Variants in FRYL observed in about 807,000 individuals in gnomAD.
The protein encoded by FRYL is protein furry homolog-like.
Under a neutral mutation model 351.2 loss-of-function variants are expected in FRYL, and 150 were observed. The ratio of observed to expected loss-of-function variants is 0.43; its 90% confidence interval spans 0.37 to 0.49. The LOEUF (loss-of-function observed/expected upper bound fraction) is 0.49, where lower values mean the gene tolerates loss of function less well. Among genes scored for constraint, FRYL ranks in the 20% least tolerant of loss-of-function variants. The pLI, the probability that FRYL is intolerant of heterozygous loss-of-function variation, is 0.00. For missense variants in FRYL, 3,036 were observed against 3,619.3 expected (o/e 0.84, Z 4.13); for synonymous variants, 1,153 against 1,257.1 (o/e 0.92, Z 1.75).
chr4:48,535,806 G>T lies in FRYL; in HGVS notation c.6415C>A (p.Pro2139Thr). The T allele has an allele frequency of 6.5e-7, 1 of 1,540,442 alleles. No homozygotes were observed. The highest frequency in any genetic ancestry group is 1.3e-5 in the South Asian group (1 of 77,518). The change falls in exon 48 of 64, where the codon CCA becomes ACA. Residue 2139 changes from proline (P) to threonine (T), a missense_variant. Physicochemically the swap from Pro to Thr is conservative, Grantham distance 38. Around this residue, in one of 7 missense-constraint regions of FRYL, gnomAD observed 1,987 missense variants for 2,311.7 expected, o/e 0.86. Coordinates refer to ENST00000358350, the MANE Select transcript of FRYL (RefSeq NM_015030.2). Reference protein sequence around the residue: ...IAKVCAEEKCPTLVNLAHMMS... With the variant: ...IAKVCAEEKCTTLVNLAHMMS... ...ATGTGTGCCAGATTGACAAGTGTTG[G>T]GCATTTTTCTTCTGCACAAACCTAG...
intron 3 of FRYL, among the ~76,000 whole-genome samples, chr4:48,671,874 A>AAAAAC (rs1762798523): frequency 4.3e-5 from 1 of 23,008 alleles, no homozygotes; most frequent in Non-Finnish European, 8.4e-5. Context: ...AAAAAAAAAC[A>AAAAAC]AAAAAAAAAA....
chr4:48,566,088 G>C (rs1314249651), intron 28 of FRYL, among the ~76,000 whole-genome samples: 2 of 152,240 alleles, frequency 1.3e-5, no homozygotes, highest in South Asian at 2.1e-4. Flanking sequence ...TAAGGGCTTT[G>C]GACGAGATAC....
At chr4:48,649,829 G>A (rs1757266039) in intron 3 of FRYL, among the ~76,000 whole-genome samples, 1 of 152,096 alleles carries the variant, frequency 6.6e-6, no homozygotes, top group African/African-American at 2.4e-5. Context: ...GGCCTCTAGC[G>A]ACTAATATAA....
chr4:48,641,745 C>T (rs754905929), intron 3 of FRYL, among the ~76,000 whole-genome samples: 2 of 152,152 alleles, frequency 1.3e-5, no homozygotes, highest in African/African-American at 4.8e-5. Context: ...TTACCAAATG[C>T]GGATGGATCC....
intron 1 of FRYL, among the ~76,000 whole-genome samples, chr4:48,746,389 C>CA (rs1402278040): frequency 1.3e-5 from 2 of 151,582 alleles, no homozygotes; most frequent in African/African-American, 4.8e-5. Context: ...ACTAAAAATA[C>CA]AAAAAATTAG....
chr4:48,737,245 G>A (rs569789504), intron 1 of FRYL, among the ~76,000 whole-genome samples: 9 of 132,424 alleles, frequency 6.8e-5, no homozygotes, highest in African/African-American at 1.4e-4. Context: ...GCCACAGAGC[G>A]AGACTCCATC....
intron 28 of FRYL, among the ~76,000 whole-genome samples, chr4:48,565,938 T>G (rs761523236): frequency 4.6e-5 from 7 of 152,146 alleles, no homozygotes; most frequent in Non-Finnish European, 7.4e-5. Flanking sequence ...AGAAATTCCA[T>G]GGCAGGCTCA....
intron 59 of FRYL, among the ~76,000 whole-genome samples, chr4:48,507,570 C>T (rs1241223178): frequency 2.0e-5 from 3 of 151,828 alleles, no homozygotes; most frequent in Non-Finnish European, 4.4e-5. Context: ...CGGAGTGAGC[C>T]CAATACCCGC....
intron 18 of FRYL, among the ~76,000 whole-genome samples, chr4:48,587,150 T>G (rs965704285): frequency 2.6e-5 from 4 of 152,042 alleles, no homozygotes; most frequent in African/African-American, 9.7e-5. Flanking sequence ...GCCACATTGT[T>G]TTCACTTAGT....
At chr4:48,770,990 G>A (rs1011675267) in intron 1 of FRYL, among the ~76,000 whole-genome samples, 1 of 151,986 alleles carries the variant, frequency 6.6e-6, no homozygotes, top group Non-Finnish European at 1.5e-5. Context: ...TTTTTTGTTT[G>A]TTTTTTGTTA....
At chr4:48,689,375 T>C (rs1450150335) in intron 2 of FRYL, among the ~76,000 whole-genome samples, 5 of 152,210 alleles carry the variant, frequency 3.3e-5, no homozygotes, top group African/African-American at 1.2e-4. Context: ...TCATACTACA[T>C]TTTCATGTTG....
chr4:48,733,252 G>T (rs1319938137), intron 1 of FRYL, among the ~76,000 whole-genome samples: 1 of 151,420 alleles, frequency 6.6e-6, no homozygotes, highest in Non-Finnish European at 1.5e-5. Flanking sequence ...TCTAGCCTGT[G>T]TGACAGAGCG....
intron 3 of FRYL, among the ~76,000 whole-genome samples, chr4:48,651,568 A>T (rs1205691392): frequency 6.6e-6 from 1 of 152,024 alleles, no homozygotes; most frequent in Non-Finnish European, 1.5e-5. Context: ...TTCTCATTTG[A>T]CTTCCTTACT....
chr4:48,578,687 A>G (rs1353522466), intron 23 of FRYL, among the ~76,000 whole-genome samples: 1 of 152,022 alleles, frequency 6.6e-6, no homozygotes, highest in Non-Finnish European at 1.5e-5. Context: ...TTCTTTCCCA[A>G]TTTTTTCCCT....
intron 54 of FRYL, among the ~76,000 whole-genome samples, chr4:48,522,374 G>C (rs1364889483): frequency 2.0e-5 from 3 of 151,994 alleles, no homozygotes; most frequent in Non-Finnish European, 4.4e-5. Context: ...CATGTACCAG[G>C]GTAGCTATTC....
chr4:48,546,275 A>C lies in FRYL; in HGVS notation c.5075-4T>G. 1 of 1,606,916 alleles carries C rather than the reference A, an allele frequency of 6.2e-7. No individual in the cohort carries two copies. The highest frequency in any genetic ancestry group is 8.5e-7 in the Non-Finnish European group (1 of 1,173,876). On this transcript the variant is annotated splice_polypyrimidine_tract_variant and splice_region_variant and intron_variant, in intron 41 of 63. Transcript: ENST00000358350. ...GGTATAAAATCGTTAATGCCTGCTG[A>C]AAGAGAAAGATCGTCATGAATACCT...
chr4:48,548,826 C>T (rs754398659), intron 39 of FRYL, 33 bp from the exon 40 acceptor site: 2 of 1,260,110 alleles, frequency 1.6e-6, no homozygotes, highest in South Asian at 1.3e-5. Flanking sequence ...TAACGTTTTA[C>T]TAGATCTCAG....
intron 3 of FRYL, among the ~76,000 whole-genome samples, chr4:48,674,050 G>A (rs1763150159): frequency 6.6e-6 from 1 of 152,064 alleles, no homozygotes; most frequent in African/African-American, 2.4e-5. Flanking sequence ...CTCTGTTCTT[G>A]ATGAATTTTA....
intron 56 of FRYL, 27 bp from the exon 57 acceptor site, chr4:48,512,715 A>G (rs765560800): frequency 5.9e-6 from 9 of 1,523,264 alleles, no homozygotes; most frequent in South Asian, 5.6e-5. Flanking sequence ...CATAAATATC[A>G]TAACACTATC....
Sources: gnomAD v4.1 joint callset for allele counts (sites outside exome capture counted in the v4.1 genomes callset) on GRCh38, gnomAD v4.1.1 for gene constraint, gnomAD v4.1.1 regional missense constraint, MANE v1.5 for transcripts, NCBI Gene and HGNC (gene_info 2026-07-23, HGNC 2026-07-21) for gene names.